Variants in STARD3NL observed in about 807,000 individuals in gnomAD.
The protein encoded by STARD3NL is STARD3 N-terminal like, also known as STARD3 N-terminal-like protein.
In STARD3NL, 17 loss-of-function variants were observed where a neutral mutation model predicts 30.9. The ratio of observed to expected loss-of-function variants is 0.55; its 90% CI spans 0.38 to 0.82. STARD3NL has a LOEUF of 0.82. Ranked by LOEUF, STARD3NL falls within the 40% of genes least tolerant of loss-of-function variation. The pLI is 0.00. For synonymous variants in STARD3NL, 112 were observed against 100.5 expected, an observed-to-expected ratio of 1.11 and a Z score of -0.69; for missense variants, 234 against 277.6, an observed-to-expected ratio of 0.84 and a Z score of 1.12.
At chr7:38,219,469 A>G in intron 6 of STARD3NL, 96 bp from the exon 7 acceptor site, 1 of 784,126 alleles carries the variant, frequency 1.3e-6, no homozygotes, top group Admixed American at 2.3e-5. Context: ...AAGGTATTTC[A>G]TTGTAATAAT....
intron 1 of STARD3NL, among the ~76,000 whole-genome samples, chr7:38,190,443 T>C (rs1202525965): frequency 6.6e-6 from 1 of 152,178 alleles, no homozygotes; most frequent in East Asian, 1.9e-4. Context: ...TGTTTAAATG[T>C]ATTCATATTG....
intron 6 of STARD3NL, 50 bp downstream of exon 6, chr7:38,217,355 G>T: frequency 6.4e-7 from 1 of 1,560,600 alleles, no homozygotes; most frequent in Non-Finnish European, 8.8e-7. Flanking sequence ...ATACCAAGCT[G>T]GGAGGAAGAG....
At chr7:38,221,184 A>AT (rs756053471) in intron 7 of STARD3NL, among the ~76,000 whole-genome samples, 20 of 152,248 alleles carry the variant, frequency 1.3e-4, no homozygotes, top group Non-Finnish European at 2.5e-4. Flanking sequence ...AAAGTGGTAA[A>AT]TTTTATGTTA....
chr7:38,227,125 CTT>C (rs1786815940), intron 7 of STARD3NL, among the ~76,000 whole-genome samples: 1 of 152,150 alleles, frequency 6.6e-6, no homozygotes, highest in African/African-American at 2.4e-5. Context: ...CAAGAAGTCT[CTT>C]TTAAAATATG....
At chr7:38,229,007 C>A in intron 8 of STARD3NL, 136 bp downstream of exon 8, 1 of 564,396 alleles carries the variant, frequency 1.8e-6, no homozygotes, top group Non-Finnish European at 3.0e-6. Context: ...ATTTATCAGT[C>A]ACATTTTATT....
chr7:38,219,630 C>A lies in STARD3NL; in HGVS notation c.619C>A (p.Gln207Lys). 6.2e-7 allele frequency: 1 copy of A among 1,612,836 alleles called. No homozygotes were observed. The highest frequency in any genetic ancestry group is 1.1e-5 in the South Asian group (1 of 91,000). ...ALIPGGLSDG[Q>K]FYSPPESEAG... ...TATACCTGGTGGTCTTTCTGATGGT[C>A]AGTTTTATTCCCCTCCTGAATCCGA... The change falls in exon 7 of 9, where the codon CAG becomes AAG. Residue 207 changes from glutamine (Q) to lysine (K), a missense_variant. Transcript: ENST00000009041.
intron 1 of STARD3NL, chr7:38,198,114 C>G (rs1785008553): frequency 6.6e-6 from 1 of 152,382 alleles, no homozygotes; most frequent in South Asian, 2.1e-4. Flanking sequence ...TGATGTGTCT[C>G]CTACTTTCTT....
At chr7:38,228,057 G>A (rs917957674) in intron 7 of STARD3NL, among the ~76,000 whole-genome samples, 29 of 152,106 alleles carry the variant, frequency 1.9e-4, no homozygotes, top group Middle Eastern at 3.4e-3. Flanking sequence ...GGCATTTAAA[G>A]TTTTATTTGC....
intron 1 of STARD3NL, among the ~76,000 whole-genome samples, chr7:38,204,472 A>G (rs573596210): frequency 6.6e-6 from 1 of 152,254 alleles, no homozygotes; most frequent in South Asian, 2.1e-4. Context: ...AATCTCTGGG[A>G]CACATTTAAA....
chr7:38,190,264 C>G (rs573763453), intron 1 of STARD3NL, among the ~76,000 whole-genome samples: 1 of 152,202 alleles, frequency 6.6e-6, no homozygotes, highest in South Asian at 2.1e-4. Context: ...TGATGACACA[C>G]AATTTAAAAC....
intron 7 of STARD3NL, among the ~76,000 whole-genome samples, chr7:38,220,538 G>A (rs544771788): frequency 6.6e-5 from 10 of 152,216 alleles, no homozygotes; most frequent in Non-Finnish European, 1.0e-4. Flanking sequence ...TGCATTACGG[G>A]TGAGAATGTA....
intron 1 of STARD3NL, chr7:38,201,994 T>G (rs1785203426): frequency 6.6e-6 from 1 of 152,262 alleles, no homozygotes; most frequent in Admixed American, 6.5e-5. Context: ...CGGCCTCAGC[T>G]ATTTTCTTAA....
chr7:38,222,143 A>T (rs1301381364), intron 7 of STARD3NL, among the ~76,000 whole-genome samples: 1 of 34,160 alleles, frequency 2.9e-5, no homozygotes, highest in Admixed American at 2.2e-4. Context: ...TAATATTTTC[A>T]CACACACACA....
intron 7 of STARD3NL, among the ~76,000 whole-genome samples, chr7:38,227,147 C>T (rs1786817520): frequency 6.6e-6 from 1 of 152,162 alleles, no homozygotes; most frequent in Non-Finnish European, 1.5e-5. Context: ...GTAAAGAAGA[C>T]ATATTGTTAT....
intron 7 of STARD3NL, among the ~76,000 whole-genome samples, chr7:38,224,951 G>A (rs963736401): frequency 2.6e-5 from 4 of 152,122 alleles, no homozygotes; most frequent in Non-Finnish European, 4.4e-5. Context: ...GTGGTTTCAG[G>A]TATCCAGGGA....
intron 2 of STARD3NL, among the ~76,000 whole-genome samples, chr7:38,211,466 T>C (rs1562616553): frequency 1.3e-5 from 2 of 152,154 alleles, no homozygotes; most frequent in Non-Finnish European, 2.9e-5. Flanking sequence ...CGTGCTCAAG[T>C]GCTTGTATTT....
At chr7:38,199,509 G>A (rs1373252663) in intron 1 of STARD3NL, among the ~76,000 whole-genome samples, 1 of 152,196 alleles carries the variant, frequency 6.6e-6, no homozygotes, top group Non-Finnish European at 1.5e-5. Flanking sequence ...GAATATACTA[G>A]TTAGTGGGAG....
At chr7:38,192,861 G>T (rs150328747) in intron 1 of STARD3NL, among the ~76,000 whole-genome samples, 2 of 142,052 alleles carry the variant, frequency 1.4e-5, no homozygotes, top group Non-Finnish European at 3.1e-5. Context: ...AAGATCGGGC[G>T]CACACTCCTC....
At chr7:38,198,662 G>T (rs983504031) in intron 1 of STARD3NL, among the ~76,000 whole-genome samples, 1 of 152,260 alleles carries the variant, frequency 6.6e-6, no homozygotes, top group East Asian at 1.9e-4. Flanking sequence ...AAGGCTGGGT[G>T]GTTGGGTTGA....
Sources: gnomAD v4.1 joint callset for allele counts (sites outside exome capture counted in the v4.1 genomes callset) on GRCh38, gnomAD v4.1.1 for gene constraint, MANE v1.5 for transcripts, NCBI Gene and HGNC (gene_info 2026-07-23, HGNC 2026-07-21) for gene names.